CACHD1: variants seen among roughly 807,000 people sequenced by gnomAD.
The protein encoded by CACHD1 is VWFA and cache domain-containing protein 1.
CACHD1 carries 71 observed loss-of-function variants against 138.7 expected under a neutral mutation model. That is an observed-to-expected ratio of 0.51 (90% confidence interval 0.42 to 0.62). CACHD1 has a LOEUF of 0.62. CACHD1 is among the 20% of genes least tolerant of loss of function. CACHD1 has a pLI of 0.00. For synonymous variants in CACHD1, 578 were observed against 591.5 expected, an observed-to-expected ratio of 0.98 and a Z score of 0.33; for missense variants, 1,389 against 1,625.3, an observed-to-expected ratio of 0.85 and a Z score of 2.50.
intron 1 of CACHD1, among the ~76,000 whole-genome samples, chr1:64,493,414 A>G (rs554440728): frequency 1.3e-5 from 2 of 152,342 alleles, no homozygotes; most frequent in Admixed American, 6.5e-5. Context: ...CTATTTTGAG[A>G]AAATGCATCA....
chr1:64,557,746 A>G lies in CACHD1; in HGVS notation c.261+7090A>G, dbSNP rs116038459. Among the ~76,000 whole-genome samples the G allele has an allele frequency of 4.6e-3, 699 of 152,058 alleles. 3 individuals are homozygous for G. The highest frequency in any genetic ancestry group is 0.016 in the African/African-American group (673 of 41,502). Reference sequence around the variant, plus strand: ...CAAAAGAGGTGTCCACACTCATTAGATCCAGTTCTGCCATTTTCTTTTTCT... The same window carrying G: ...CAAAAGAGGTGTCCACACTCATTAGGTCCAGTTCTGCCATTTTCTTTTTCT... On this transcript the variant is annotated intron_variant, in intron 2 of 26. Coordinates refer to ENST00000651257, the MANE Select transcript of CACHD1 (RefSeq NM_020925.4).
At chr1:64,546,705 A>G (rs1456913646) in intron 1 of CACHD1, among the ~76,000 whole-genome samples, 3 of 152,152 alleles carry the variant, frequency 2.0e-5, no homozygotes, top group African/African-American at 7.2e-5. Context: ...ATTAACCAGG[A>G]AAATCTTTAC....
chr1:64,523,612 G>A (rs982998584), intron 1 of CACHD1, among the ~76,000 whole-genome samples: 3 of 152,084 alleles, frequency 2.0e-5, no homozygotes, highest in Admixed American at 6.5e-5. Flanking sequence ...TCACAGTGCC[G>A]TTTTTCCTTC....
At position 64,632,859 on chromosome 1, in the gene CACHD1, C is replaced by G. The variant is rs1648362686; in HGVS notation, c.789+116C>G. 7 of 1,176,632 alleles carry G rather than the reference C, an allele frequency of 5.9e-6. No homozygotes were observed. In the Middle Eastern group the frequency reaches 8.3e-4, roughly 140 times the overall value. The allele number at this position is 1,176,632 out of a possible 1,614,324, so 72.9% of individuals were successfully genotyped here. On this transcript the variant is annotated intron_variant, in intron 6 of 26. Transcript: ENST00000651257. ...CCTTGACTTACAATGGGGTTACATC[C>G]TGATAAATCCATCATAAGTTGAAAA...
chr1:64,491,483 G>C lies in CACHD1; in HGVS notation c.198+20541G>C, dbSNP rs1307538426. Reference sequence around the variant, plus strand: ...GGCAGGAGAGAGAAAGAAGAGCAAGGGGGGAAGTGCCACACTTTTATACCA... The same window carrying C: ...GGCAGGAGAGAGAAAGAAGAGCAAGCGGGGAAGTGCCACACTTTTATACCA... On this transcript the variant is annotated intron_variant, in intron 1 of 26. Transcript: ENST00000651257. Among the ~76,000 whole-genome samples, 5 of 152,196 alleles carry C rather than the reference G, an allele frequency of 3.3e-5. No homozygotes were observed. In the East Asian group the frequency reaches 9.7e-4, roughly 29 times the overall value.
intron 1 of CACHD1, among the ~76,000 whole-genome samples, chr1:64,542,438 A>G (rs1418917407): frequency 6.6e-6 from 1 of 152,134 alleles, no homozygotes; most frequent in Non-Finnish European, 1.5e-5. Context: ...CATTCAAGAC[A>G]TAGTTTTTAT....
In CACHD1 at chr1:64,600,406, G is replaced by A. The variant is rs1302509881; in HGVS notation, c.411-2400G>A. Among the ~76,000 whole-genome samples the A allele has an allele frequency of 3.9e-5, 6 of 152,258 alleles. No individual in the cohort carries two copies. The East Asian group carries it at 9.7e-4, about 25-fold the overall frequency. ...TCTTAACGGTGGATCCCAGGAATCT[G>A]CATTCTAACATACATCCCAGGTGGT... is the stretch of plus-strand genomic sequence containing the variant. On this transcript the variant is annotated intron_variant, in intron 3 of 26. Transcript: ENST00000651257.
At chr1:64,609,046 T>G (rs1647435427) in intron 4 of CACHD1, among the ~76,000 whole-genome samples, 1 of 152,208 alleles carries the variant, frequency 6.6e-6, no homozygotes. Context: ...AAGGGGCATT[T>G]ATAAGTCATG....
At chr1:64,569,919 A>G (rs568081608) in intron 2 of CACHD1, among the ~76,000 whole-genome samples, 19 of 152,216 alleles carry the variant, frequency 1.2e-4, no homozygotes, top group Non-Finnish European at 2.1e-4. Flanking sequence ...CCCATTTTAC[A>G]TGCATTTCCA....
At chr1:64,649,168 A>G (rs1366107813) in intron 9 of CACHD1, among the ~76,000 whole-genome samples, 2 of 152,142 alleles carry the variant, frequency 1.3e-5, no homozygotes, top group African/African-American at 4.8e-5. Flanking sequence ...TTCTCTTTCT[A>G]TAAGGAAGAA....
At chr1:64,617,300 T>C (rs1647748655) in intron 4 of CACHD1, among the ~76,000 whole-genome samples, 1 of 152,088 alleles carries the variant, frequency 6.6e-6, no homozygotes, top group Non-Finnish European at 1.5e-5. Flanking sequence ...AATTTTCTGT[T>C]ATTTCTTTTA....
At position 64,508,403 on chromosome 1, in the gene CACHD1, A is replaced by T. The variant is rs987924520; in HGVS notation, c.198+37461A>T. Among the ~76,000 whole-genome samples the T allele has an allele frequency of 4.6e-5, 7 of 152,318 alleles. No homozygotes were observed. The East Asian group carries it at 1.4e-3, about 29-fold the overall frequency. On this transcript the variant is annotated intron_variant, in intron 1 of 26. Coordinates refer to ENST00000651257, the MANE Select transcript of CACHD1 (RefSeq NM_020925.4). Reference sequence around the variant, plus strand: ...ACAAATGCTGGTGTGAAGGTGGGTGAGAGCTTCTGGTGGAAGAAATAGCAC... The same window carrying T: ...ACAAATGCTGGTGTGAAGGTGGGTGTGAGCTTCTGGTGGAAGAAATAGCAC...
chr1:64,611,918 T>C (rs1308387805), intron 4 of CACHD1, among the ~76,000 whole-genome samples: 2 of 152,232 alleles, frequency 1.3e-5, no homozygotes, highest in African/African-American at 4.8e-5. Context: ...GAAAAGAGGC[T>C]TAATTGACTC....
At chr1:64,588,425 T>C (rs1346443187) in intron 3 of CACHD1, among the ~76,000 whole-genome samples, 47 of 151,972 alleles carry the variant, frequency 3.1e-4, no homozygotes, top group Non-Finnish European at 1.5e-5. Context: ...CAATACTTTT[T>C]TTTTTTTTTT....
intron 1 of CACHD1, among the ~76,000 whole-genome samples, chr1:64,497,371 T>C (rs992938471): frequency 6.6e-6 from 1 of 152,134 alleles, no homozygotes; most frequent in Non-Finnish European, 1.5e-5. Context: ...GCTTGTGGGC[T>C]GGGGGAAATA....
At chr1:64,483,610 G>A (rs1646223785) in intron 1 of CACHD1, among the ~76,000 whole-genome samples, 1 of 150,012 alleles carries the variant, frequency 6.7e-6, no homozygotes, top group African/African-American at 2.5e-5. Flanking sequence ...TTGGGAGGCC[G>A]AGGTGGCAGG....
At chr1:64,499,518 G>A (rs1646325433) in intron 1 of CACHD1, among the ~76,000 whole-genome samples, 1 of 152,196 alleles carries the variant, frequency 6.6e-6, no homozygotes, top group Non-Finnish European at 1.5e-5. Context: ...GTGAAACTCA[G>A]AGCTTCTTAT....
chr1:64,531,572 A>C (rs1277396846), intron 1 of CACHD1, among the ~76,000 whole-genome samples: 3 of 152,020 alleles, frequency 2.0e-5, no homozygotes, highest in Admixed American at 2.0e-4. Flanking sequence ...GAACAATGAC[A>C]AAAAAGACTG....
At chr1:64,629,613 T>G in intron 5 of CACHD1, 132 bp downstream of exon 5, 1 of 1,114,732 alleles carries the variant, frequency 9.0e-7, no homozygotes, top group East Asian at 2.6e-5. Flanking sequence ...TGTTCTGAAA[T>G]GAATTCACCA....
Sources: gnomAD v4.1 joint callset for allele counts (sites outside exome capture counted in the v4.1 genomes callset) on GRCh38, gnomAD v4.1.1 for gene constraint, MANE v1.5 for transcripts, NCBI Gene and HGNC (gene_info 2026-07-23, HGNC 2026-07-21) for gene names.